RNPEPL1: variants seen among roughly 807,000 people sequenced by gnomAD.
RNPEPL1 encodes aminopeptidase RNPEPL1.
Under a neutral mutation model 69.0 loss-of-function variants are expected in RNPEPL1, and 46 were observed. The ratio of observed to expected loss-of-function variants is 0.67; its 90% CI spans 0.53 to 0.85. The LOEUF (loss-of-function observed/expected upper bound fraction) is 0.85. Ranked by LOEUF, RNPEPL1 falls within the 40% of genes least tolerant of loss-of-function variation. The pLI is 0.00. For missense variants in RNPEPL1, 869 were observed against 992.5 expected, an observed-to-expected ratio of 0.88 and a Z score of 1.67; for synonymous variants, 525 against 454.1, an observed-to-expected ratio of 1.16 and a Z score of -1.98.
intron 1 of RNPEPL1, among the ~76,000 whole-genome samples, chr2:240,570,791 G>A (rs981296771): frequency 7.9e-5 from 12 of 152,190 alleles, no homozygotes; most frequent in African/African-American, 2.2e-4. Context: ...GTGCCCTGAC[G>A]GGGATTGGTG....
Position 240,568,822 on chromosome 2 carries a change from C to T in RNPEPL1, c.236C>T (p.Ala79Val). 1.8e-6 allele frequency: 2 copies of T among 1,127,200 alleles called. No individual in the cohort carries two copies. The highest frequency in any genetic ancestry group is 1.1e-6 in the Non-Finnish European group (1 of 919,046). 69.8% of individuals were successfully genotyped at this position (1,127,200 alleles called of 1,614,324 possible). Residue 79 changes from alanine to valine, a missense_variant, in exon 1 of 11, where the codon GCG (alanine) becomes GTG (valine). Transcript: ENST00000270357. The surrounding 1 kb of genome is among the most constrained non-coding windows in gnomAD (Gnocchi z 6.2). The part of the protein sequence containing the change: ...RPAPRALVLD[A>V]HPALRLHSAA... ...GCGCCCCGCGCGCTCGTGCTCGACG[C>T]GCACCCGGCTCTGCGCCTGCACTCA...
At chr2:240,571,397 G>A (rs558123126) in intron 1 of RNPEPL1, among the ~76,000 whole-genome samples, 3 of 152,170 alleles carry the variant, frequency 2.0e-5, no homozygotes, top group Non-Finnish European at 4.4e-5. Flanking sequence ...GCCTCTGCAC[G>A]AAGAGCAATT....
intron 10 of RNPEPL1, 44 bp downstream of exon 10, chr2:240,577,034 G>A (rs367637634): frequency 1.5e-4 from 241 of 1,607,406 alleles, no homozygotes; most frequent in Middle Eastern, 5.6e-4. Context: ...CGGCCTAGCC[G>A]TGCGGACTGG....
chr2:240,575,119 C>T lies in RNPEPL1; in HGVS notation c.1378C>T (p.Gln460Ter). ...YYLSQLCGDP[Q>*]RFDDFLRAYV... is the part of the protein sequence containing the mutation. ...CCTGTCCCAGCTCTGCGGAGACCCA[C>T]AGCGCTTTGATGACTTTCTCCGAGT... The change falls in exon 7 of 11, where the codon CAG becomes TAG. Residue 460 changes from glutamine to a stop codon, truncating the protein, a stop_gained. Transcript: ENST00000270357. LOFTEE classifies it high-confidence loss of function. The T allele has an allele frequency of 2.5e-6, 4 of 1,613,606 alleles. No homozygotes were observed. Among genetic ancestry groups the T allele is most frequent in the Non-Finnish European group, 3.4e-6 (4 of 1,179,918 alleles).
rs1321189849 is a variant in RNPEPL1, at chr2:240,568,520, G to GCCT, written c.-65_-64insTCC. The stretch of plus-strand genomic sequence containing the variant: ...GTGCCCGCGCCCCGCCGCCGCCGCC[G>GCCT]CCCGGCGCCCCTCGCCCGCGGCCCG... On this transcript the variant is annotated 5_prime_UTR_variant, in exon 1 of 11. Transcript: ENST00000270357. This position sits in a 1 kb window ranked among gnomAD's most constrained non-coding sequence, Gnocchi z 6.2. 1.3e-6 allele frequency: 1 copy of GCCT among 769,198 alleles called. No homozygotes were observed. Among genetic ancestry groups the GCCT allele is most frequent in the Non-Finnish European group, 1.6e-6 (1 of 636,906 alleles). The allele number at this position is 769,198 out of a possible 1,614,324, so 47.6% of individuals were successfully genotyped here.
chr2:240,570,741 CTTGTTCCTT>C (rs2093018856), intron 1 of RNPEPL1, among the ~76,000 whole-genome samples: 2 of 152,196 alleles, frequency 1.3e-5, no homozygotes, highest in Admixed American at 1.3e-4. Context: ...GCCCTTCAGC[CTTGTTCCTT>C]TTCCACCAGC....
At chr2:240,577,557 GC>G in intron 10 of RNPEPL1, 41 bp from the exon 11 acceptor site, 1 of 1,522,184 alleles carries the variant, frequency 6.6e-7, no homozygotes, top group South Asian at 1.3e-5. Flanking sequence ...GGCTCGAGGG[GC>G]CTGGGGAGCC....
intron 7 of RNPEPL1, 49 bp from the exon 8 acceptor site, chr2:240,575,453 C>T: frequency 6.6e-7 from 1 of 1,504,116 alleles, no homozygotes; most frequent in Non-Finnish European, 9.2e-7. Flanking sequence ...GTGGGGCTGC[C>T]TGTGCCCCAC....
intron 1 of RNPEPL1, among the ~76,000 whole-genome samples, chr2:240,571,259 G>A (rs2093020589): frequency 2.6e-5 from 4 of 152,214 alleles, no homozygotes; most frequent in Admixed American, 1.3e-4. Flanking sequence ...AATGCTGGCA[G>A]GGGTCTGGCC....
In RNPEPL1 at chr2:240,575,558, C is replaced by T. The variant is rs762039090; in HGVS notation, c.1458C>T (p.Ser486=). 4 of 1,613,524 alleles carry T rather than the reference C, an allele frequency of 2.5e-6. No individual in the cohort carries two copies. Among genetic ancestry groups the T allele is most frequent in the Non-Finnish European group, 3.4e-6 (4 of 1,180,010 alleles). The part of the protein sequence containing the change: ...TSVVAQDLLD[S]FLSFFPELKE... ...TGGTGGCCCAGGACCTGCTGGACTC[C>T]TTCCTGAGCTTCTTCCCGGAGCTGA... Residue 486 remains serine (S), a synonymous_variant, in exon 8 of 11, where the codon TCC becomes TCT. Transcript: ENST00000270357.
At chr2:240,577,571 C>T in intron 10 of RNPEPL1, 28 bp from the exon 11 acceptor site, 1 of 1,535,640 alleles carries the variant, frequency 6.5e-7, no homozygotes, top group Non-Finnish European at 8.8e-7. Context: ...GGGGAGCCCA[C>T]CAGTGTGACC....
chr2:240,577,012 G>GC, intron 10 of RNPEPL1, 22 bp downstream of exon 10: 1 of 1,611,812 alleles, frequency 6.2e-7, no homozygotes. Flanking sequence ...TGCCCAGGGG[G>GC]CCAGCCTGGA....
chr2:240,578,016 C>G lies in RNPEPL1; in HGVS notation c.*124C>G. 1 of 992,382 alleles carries G rather than the reference C, an allele frequency of 1.0e-6. No homozygotes were observed. Among genetic ancestry groups the G allele is most frequent in the Non-Finnish European group, 1.4e-6 (1 of 719,814 alleles). The allele number at this position is 992,382 out of a possible 1,614,324, so 61.5% of individuals were successfully genotyped here. On this transcript the variant is annotated 3_prime_UTR_variant, in exon 11 of 11. Coordinates refer to ENST00000270357, the MANE Select transcript of RNPEPL1 (RefSeq NM_018226.6). ...CTGCCCAGGCCCACAAGCCCCTCCC[C>G]TGGGCTCTCCCAGGCAGGGAGAATG...
At position 240,568,994 on chromosome 2, in the gene RNPEPL1, C is replaced by T. The variant is rs987160769; in HGVS notation, c.408C>T (p.Ala136=). Residue 136 remains alanine (A), a synonymous_variant, in exon 1 of 11, where the codon GCC becomes GCT. Transcript: ENST00000270357. The surrounding 1 kb of genome is among the most constrained non-coding windows in gnomAD (Gnocchi z 6.2). ...CCGAGCCCGCCTGCTGTCCGCTGGCCTTCAGGGTGGACCCGTTCACCGACT... is the reference window on the plus strand; with the variant it reads ...CCGAGCCCGCCTGCTGTCCGCTGGCTTTCAGGGTGGACCCGTTCACCGACT... The part of the protein sequence containing the change: ...PGSEPACCPL[A]FRVDPFTDYG... The T allele has an allele frequency of 4.0e-6, 6 of 1,494,964 alleles. No homozygotes were observed. The highest frequency in any genetic ancestry group is 1.5e-5 in the African/African-American group (1 of 68,590). The allele number at this position is 1,494,964 out of a possible 1,614,324, so 92.6% of individuals were successfully genotyped here.
rs1193862241 is a variant in RNPEPL1 at position 240,576,959 on chromosome 2, T to C, written c.1853T>C (p.Leu618Pro). The C allele has an allele frequency of 6.2e-7, 1 of 1,613,332 alleles. No homozygotes were observed. Among genetic ancestry groups the C allele is most frequent in the Admixed American group, 1.7e-5 (1 of 60,028 alleles). ...GTCCGCAACGACTACTATCCTGACC[T>C]CCACAGGGTGCGGCGCTTCCTGGAG... is the stretch of plus-strand genomic sequence containing the variant. Reference protein sequence around the residue: ...IVVRNDYYPDLHRVRRFLESQ... With the variant: ...IVVRNDYYPDPHRVRRFLESQ... The change falls in exon 10 of 11, where the codon CTC becomes CCC. Residue 618 changes from leucine (L) to proline (P), a missense_variant. Leu to Pro is a moderately conservative substitution (Grantham distance 98). Transcript: ENST00000270357.
In RNPEPL1 at chr2:240,573,145, C is replaced by A. The variant is rs532312964; in HGVS notation, c.705C>A (p.Thr235=). Residue 235 remains threonine, a synonymous_variant, in exon 3 of 11, where the codon ACC becomes ACA. Transcript: ENST00000270357. ...GGGTGCAGGTGCTGATGAGTGCCAC[C>A]CGGAGTGCATACATGGAGGAAGAAG... ...PSGVQVLMSA[T]RSAYMEEEGV... is the part of the protein sequence containing the mutation. 7 of 1,610,294 alleles carry A rather than the reference C, an allele frequency of 4.3e-6. No homozygotes were observed. The Admixed American group carries it at 6.7e-5, about 15-fold the overall frequency.
intron 1 of RNPEPL1, 130 bp from the exon 2 acceptor site, chr2:240,572,293 G>C (rs543991584): frequency 1.7e-6 from 2 of 1,145,920 alleles, no homozygotes; most frequent in Non-Finnish European, 1.2e-6. Context: ...ATTGGCCCTC[G>C]AACCCAGCAA....
chr2:240,574,140 C>T lies in RNPEPL1; in HGVS notation c.966C>T (p.Ser322=). The T allele has an allele frequency of 6.2e-7, 1 of 1,613,322 alleles. No homozygotes were observed. Among genetic ancestry groups the T allele is most frequent in the Non-Finnish European group, 8.5e-7 (1 of 1,179,884 alleles). ...GRYDIVFLPP[S]FPIVAMENPC... ...ACGACATTGTCTTCCTGCCACCCTC[C>T]TTCCCCATCGTGGCCATGGAGAACC... Residue 322 remains serine, a synonymous_variant, in exon 5 of 11, where the codon TCC becomes TCT. Coordinates refer to ENST00000270357, the MANE Select transcript of RNPEPL1 (RefSeq NM_018226.6).
rs376187623 is a variant in RNPEPL1, at chr2:240,577,818, G to A, written c.2104G>A (p.Ala702Thr). 7.5e-6 allele frequency: 12 copies of A among 1,603,424 alleles called. No individual in the cohort carries two copies. In the African/African-American group the frequency reaches 9.4e-5, roughly 13 times the overall value. The change falls in exon 11 of 11, where the codon GCA becomes ACA. Residue 702 changes from alanine to threonine, a missense_variant. Coordinates refer to ENST00000270357, the MANE Select transcript of RNPEPL1 (RefSeq NM_018226.6). ...GGCTGAAGCAGACACAGACTCGGAC[G>A]CACAGGCCCTGCTGCTTGGGGACGA... Reference protein sequence around the residue: ...GKAEADTDSDAQALLLGDEAP... With the variant: ...GKAEADTDSDTQALLLGDEAP...
Sources: allele counts gnomAD v4.1 joint callset (sites outside exome capture counted in the v4.1 genomes callset), GRCh38; gene constraint gnomAD v4.1.1; non-coding constraint Gnocchi (gnomAD v3.1); transcripts MANE v1.5; gene names NCBI Gene and HGNC (gene_info 2026-07-23, HGNC 2026-07-21).